The following DYNC1H1 variants were observed in gnomAD, a reference collection of about 807,000 sequenced individuals.
The protein encoded by DYNC1H1 is cytoplasmic dynein 1 heavy chain 1.
DYNC1H1 carries 51 observed loss-of-function variants against 527.1 expected under a neutral mutation model. The observed-to-expected ratio is 0.10, with a 90% CI of 0.08 to 0.12. The LOEUF (loss-of-function observed/expected upper bound fraction) is 0.12. DYNC1H1 is among the 10% of genes least tolerant of loss of function. The pLI is 1.00. For missense variants in DYNC1H1, 2,771 were observed against 5,971.8 expected, an observed-to-expected ratio of 0.46 and a Z score of 17.66; for synonymous variants, 2,189 against 2,278.8, an observed-to-expected ratio of 0.96 and a Z score of 1.12.
intron 10 of DYNC1H1, 130 bp from the exon 11 acceptor site, chr14:101,991,397 G>C (rs2749893): frequency 1.8e-6 from 2 of 1,113,882 alleles, no homozygotes; most frequent in African/African-American, 3.1e-5. Flanking sequence ...CCCGGGAGGC[G>C]GAGGTTACAG....
In DYNC1H1 at chr14:102,016,755, TC is replaced by T. The variant is rs745426846; in HGVS notation, c.7615-9del. The T allele has an allele frequency of 6.2e-7, 1 of 1,612,866 alleles. No homozygotes were observed. The highest frequency in any genetic ancestry group is 1.7e-5 in the Admixed American group (1 of 59,866). On this transcript the variant is annotated splice_polypyrimidine_tract_variant and intron_variant, in intron 37 of 77. Coordinates refer to ENST00000360184, the MANE Select transcript of DYNC1H1 (RefSeq NM_001376.5). This position sits in a 1 kb window ranked among gnomAD's most constrained non-coding sequence, Gnocchi z 7.3. ...TTGCAGCCGGACTCACACTTCCATCTCCGTGTGTAGGTGTCCATCAGCGGAG... is the reference window on the plus strand; with the variant it reads ...TTGCAGCCGGACTCACACTTCCATCTCGTGTGTAGGTGTCCATCAGCGGAG...
chr14:102,018,714 AT>A lies in DYNC1H1; in HGVS notation c.8343+102del, dbSNP rs3832930. On this transcript the variant is annotated intron_variant, in intron 41 of 77. Coordinates refer to ENST00000360184, the MANE Select transcript of DYNC1H1 (RefSeq NM_001376.5). The surrounding 1 kb of genome is among the most constrained non-coding windows in gnomAD (Gnocchi z 5.2). ...GGTGGTTCACACCTGTAATCCCAGC[AT>A]TTTGGGAGGCCAAGGTGGGTGGATC... 178,891 of 1,513,556 alleles carry A rather than the reference AT, an allele frequency of 0.12. 11,845 individuals are homozygous for A. Among genetic ancestry groups the A allele is most frequent in the East Asian group, 0.23 (9,748 of 41,684 alleles). 93.8% of individuals were successfully genotyped at this position (1,513,556 alleles called of 1,614,324 possible).
chr14:102,011,038 G>T lies in DYNC1H1; in HGVS notation c.6618+86G>T. 1 of 1,411,432 alleles carries T rather than the reference G, an allele frequency of 7.1e-7. No individual in the cohort carries two copies. The highest frequency in any genetic ancestry group is 1.0e-6 in the Non-Finnish European group (1 of 998,010). The allele number at this position is 1,411,432 out of a possible 1,614,324, so 87.4% of individuals were successfully genotyped here. The stretch of plus-strand genomic sequence containing the variant: ...TAATGACAACCGTGGGCCCTTCGAT[G>T]AAACTGTCCACAAAGGCTGTGGAGG... On this transcript the variant is annotated intron_variant, in intron 32 of 77. Transcript: ENST00000360184. The surrounding 1 kb of genome is among the most constrained non-coding windows in gnomAD (Gnocchi z 5.3).
In DYNC1H1 at chr14:102,027,432, T is replaced by C; in HGVS notation, c.8936T>C (p.Val2979Ala). ...GEDFDEDLRT[V>A]LRRSGCKNEK... ...GACTTTGATGAAGATCTACGGACAGTGTTGAGACGTTCTGGCTGTAAAAAT... is the reference window on the plus strand; with the variant it reads ...GACTTTGATGAAGATCTACGGACAGCGTTGAGACGTTCTGGCTGTAAAAAT... The change falls in exon 46 of 78, where the codon GTG (valine) becomes GCG (alanine). Residue 2979 changes from valine (V) to alanine (A), a missense_variant. Val to Ala is a moderately conservative substitution (Grantham distance 64, BLOSUM62 0). Around this residue, in one of 32 missense-constraint regions of DYNC1H1, gnomAD observed 84 missense variants for 285.4 expected, o/e 0.29. Transcript: ENST00000360184. This position sits in a 1 kb window ranked among gnomAD's most constrained non-coding sequence, Gnocchi z 7.7. 1 of 1,614,136 alleles carries C rather than the reference T, an allele frequency of 6.2e-7. No homozygotes were observed. The highest frequency in any genetic ancestry group is 8.5e-7 in the Non-Finnish European group (1 of 1,180,026).
chr14:102,008,922 G>A (rs1430204118), intron 29 of DYNC1H1, among the ~76,000 whole-genome samples: 3 of 152,348 alleles, frequency 2.0e-5, no homozygotes, highest in Admixed American at 2.0e-4. Context: ...ATGCCCCCGT[G>A]CTCCCTTAGA....
At chr14:101,972,840 T>G (rs757484103) in intron 1 of DYNC1H1, among the ~76,000 whole-genome samples, 1 of 152,212 alleles carries the variant, frequency 6.6e-6, no homozygotes, top group Non-Finnish European at 1.5e-5. Flanking sequence ...ATGGCATATT[T>G]TATATAAATG....
chr14:102,047,135 C>G (rs2048730404), intron 72 of DYNC1H1, among the ~76,000 whole-genome samples: 1 of 152,146 alleles, frequency 6.6e-6, no homozygotes, highest in African/African-American at 2.4e-5. Flanking sequence ...CTGTGGCTGT[C>G]TTGCTGGGTC....
intron 72 of DYNC1H1, among the ~76,000 whole-genome samples, chr14:102,045,738 C>T (rs954836368): frequency 3.3e-4 from 50 of 151,922 alleles, no homozygotes; most frequent in Non-Finnish European, 4.1e-4. Context: ...TTCCTTTTCA[C>T]TTACTTACAA....
At chr14:101,982,915 A>T (rs2141272173) in intron 5 of DYNC1H1, 104 bp from the exon 6 acceptor site, 1 of 1,346,868 alleles carries the variant, frequency 7.4e-7, no homozygotes, top group South Asian at 1.2e-5. Flanking sequence ...TTGTCTCGCT[A>T]GATATTTTGC....
chr14:101,965,086 G>A lies in DYNC1H1; in HGVS notation c.256+139G>A, dbSNP rs2047650028. 1.4e-5 allele frequency: 13 copies of A among 943,946 alleles called. No individual in the cohort carries two copies. In the South Asian group the frequency reaches 2.0e-4, roughly 15 times the overall value. 58.5% of individuals were successfully genotyped at this position (943,946 alleles called of 1,614,324 possible). On this transcript the variant is annotated intron_variant, in intron 1 of 77. Coordinates refer to ENST00000360184, the MANE Select transcript of DYNC1H1 (RefSeq NM_001376.5). This position sits in a 1 kb window ranked among gnomAD's most constrained non-coding sequence, Gnocchi z 4.1. ...GATGACCCCTGGATGGGCAGAGCCC[G>A]GCGGCCGCAGACGTCCCGCCGGCCG...
At position 102,027,929 on chromosome 14, in the gene DYNC1H1, T is replaced by G. The variant is rs368432468; in HGVS notation, c.9264-8T>G. 344 of 1,614,212 alleles carry G rather than the reference T, an allele frequency of 2.1e-4. No homozygotes were observed. In the African/African-American group the frequency reaches 4.1e-3, roughly 19 times the overall value. On this transcript the variant is annotated splice_polypyrimidine_tract_variant and splice_region_variant and intron_variant, in intron 47 of 77. Coordinates refer to ENST00000360184, the MANE Select transcript of DYNC1H1 (RefSeq NM_001376.5). The surrounding 1 kb of genome is among the most constrained non-coding windows in gnomAD (Gnocchi z 7.7). Reference sequence around the variant, plus strand: ...ATAGCTGTCCTGAAACATGGGCCTCTTTCTCAGGTGTGTGTTGAATTGGTT... The same window carrying G: ...ATAGCTGTCCTGAAACATGGGCCTCGTTCTCAGGTGTGTGTTGAATTGGTT...
intron 2 of DYNC1H1, among the ~76,000 whole-genome samples, chr14:101,976,762 G>A (rs575936867): frequency 9.9e-5 from 15 of 152,212 alleles, no homozygotes; most frequent in African/African-American, 3.1e-4. Flanking sequence ...GTCAGCCCTC[G>A]ATATCTGTGG....
At chr14:101,996,318 C>T (rs1020299568) in intron 15 of DYNC1H1, among the ~76,000 whole-genome samples, 26 of 151,298 alleles carry the variant, frequency 1.7e-4, no homozygotes, top group African/African-American at 5.6e-4. Context: ...TTAGCAGAGA[C>T]GGGGTTTCTC....
chr14:102,035,277 A>T (rs1595627277), intron 56 of DYNC1H1: 1 of 152,262 alleles, frequency 6.6e-6, no homozygotes, highest in African/African-American at 2.4e-5. Context: ...TTGGGGGTGG[A>T]CATTCAAACA....
rs1310470123 is a variant in DYNC1H1, at chr14:101,979,474, A to G, written c.500A>G (p.Glu167Gly). 6.2e-7 allele frequency: 1 copy of G among 1,614,178 alleles called. No homozygotes were observed. The highest frequency in any genetic ancestry group is 1.7e-5 in the Admixed American group (1 of 60,022). Residue 167 changes from glutamate to glycine, a missense_variant, in exon 3 of 78, where the codon GAG (glutamate) becomes GGG (glycine). Transcript: ENST00000360184. The surrounding 1 kb of genome is among the most constrained non-coding windows in gnomAD (Gnocchi z 4.6). Reference sequence around the variant, plus strand: ...CCTTTTTTTAAGTCCTACATTAGAGAGTCTGGCAAGGCAGACAGGTAAAAA... The same window carrying G: ...CCTTTTTTTAAGTCCTACATTAGAGGGTCTGGCAAGGCAGACAGGTAAAAA... Reference protein sequence around the residue: ...VAPFFKSYIRESGKADRDGDK... With the variant: ...VAPFFKSYIRGSGKADRDGDK...
At position 102,026,723 on chromosome 14, in the gene DYNC1H1, G is replaced by T. The variant is rs2048455445; in HGVS notation, c.8771+16G>T. On this transcript the variant is annotated intron_variant, in intron 44 of 77. Transcript: ENST00000360184. ...GGATTGACAGGTGGGCTTTTTTGTT[G>T]TTACAGCCCCACCTCTCGCCTAAGC... 1.2e-6 allele frequency: 2 copies of T among 1,612,932 alleles called. No homozygotes were observed. Among genetic ancestry groups the T allele is most frequent in the Non-Finnish European group, 1.7e-6 (2 of 1,179,612 alleles).
At position 102,016,731 on chromosome 14, in the gene DYNC1H1, T is replaced by G; in HGVS notation, c.7615-35T>G. ...AAACCTCGTGAGGAGGCACCTTGGT[T>G]GCAGCCGGACTCACACTTCCATCTC... On this transcript the variant is annotated intron_variant, in intron 37 of 77. Coordinates refer to ENST00000360184, the MANE Select transcript of DYNC1H1 (RefSeq NM_001376.5). The surrounding 1 kb of genome is among the most constrained non-coding windows in gnomAD (Gnocchi z 7.3). 1 of 1,607,370 alleles carries G rather than the reference T, an allele frequency of 6.2e-7. No homozygotes were observed. The highest frequency in any genetic ancestry group is 8.5e-7 in the Non-Finnish European group (1 of 1,177,052).
chr14:101,971,693 T>A (rs2047740988), intron 1 of DYNC1H1, among the ~76,000 whole-genome samples: 4 of 152,132 alleles, frequency 2.6e-5, no homozygotes, highest in Admixed American at 2.6e-4. Flanking sequence ...ACCACTGCAC[T>A]CCAGCCTGGG....
Position 102,010,167 on chromosome 14 carries a change from A to G in DYNC1H1, c.6221+81A>G. On this transcript the variant is annotated intron_variant, in intron 30 of 77. Transcript: ENST00000360184. This position sits in a 1 kb window ranked among gnomAD's most constrained non-coding sequence, Gnocchi z 6.0. ...ATTTAACCTTAAAATTTTTATATGT[A>G]ATGATGGTACGTCTTTCAAAATATC... 19 of 1,612,342 alleles carry G rather than the reference A, an allele frequency of 1.2e-5. No individual in the cohort carries two copies. Among genetic ancestry groups the G allele is most frequent in the Middle Eastern group, 3.3e-4 (2 of 6,058 alleles).
Sources: allele counts gnomAD v4.1 joint callset (sites outside exome capture counted in the v4.1 genomes callset), GRCh38; gene constraint gnomAD v4.1.1; regional missense constraint gnomAD v4.1.1; non-coding constraint Gnocchi (gnomAD v3.1); transcripts MANE v1.5; gene names NCBI Gene and HGNC (gene_info 2026-07-23, HGNC 2026-07-21).